The following AKAP19 variants were observed in gnomAD, a reference collection of about 807,000 sequenced individuals.
AKAP19 encodes the protein small A-kinase anchoring protein.
the AKAP19 span, among the ~76,000 whole-genome samples, chr2:189,974,467 T>G: frequency 3.9e-5 from 6 of 152,328 alleles, no homozygotes; most frequent in African/African-American, 1.4e-4. Flanking sequence ...TGATTTGGGG[T>G]GGAGAGTTCT....
At chr2:190,005,036 CATATGTCCAG>C in the AKAP19 span, among the ~76,000 whole-genome samples, 1 of 152,172 alleles carries the variant, frequency 6.6e-6, no homozygotes, top group South Asian at 2.1e-4. Context: ...TGTGTTCCTT[CATATGTCCAG>C]ATGTGTCCTG....
At chr2:190,140,177 G>A in the AKAP19 span, among the ~76,000 whole-genome samples, 2 of 152,172 alleles carry the variant, frequency 1.3e-5, no homozygotes, top group South Asian at 4.1e-4. Flanking sequence ...CATGGTCTTG[G>A]TTAGCTCTAC....
chr2:190,034,425 A>T, the AKAP19 span, among the ~76,000 whole-genome samples: 7 of 151,852 alleles, frequency 4.6e-5, no homozygotes, highest in African/African-American at 7.2e-5. Flanking sequence ...TAATAGACTT[A>T]AAAAAATCAA....
the AKAP19 span, among the ~76,000 whole-genome samples, chr2:189,892,207 T>C: frequency 6.6e-6 from 1 of 152,054 alleles, no homozygotes; most frequent in African/African-American, 2.4e-5. Flanking sequence ...GAGTTCGTTA[T>C]TACCCACCTT....
At chr2:190,156,290 T>G in the AKAP19 span, among the ~76,000 whole-genome samples, 2 of 152,266 alleles carry the variant, frequency 1.3e-5, no homozygotes, top group East Asian at 3.9e-4. Flanking sequence ...ATTAATATAT[T>G]GAGATAAGTT....
the AKAP19 span, among the ~76,000 whole-genome samples, chr2:190,185,642 G>T: frequency 3.3e-5 from 5 of 152,302 alleles, 1 homozygote; most frequent in South Asian, 1.0e-3. Flanking sequence ...ACCTGCTTGT[G>T]TATGTGTGTG....
chr2:190,196,553 A>G, the AKAP19 span, among the ~76,000 whole-genome samples: 1 of 147,594 alleles, frequency 6.8e-6, no homozygotes, highest in African/African-American at 2.5e-5. Context: ...ATTATGGGTC[A>G]GATTTTCCTG....
At chr2:189,945,549 A>G in the AKAP19 span, among the ~76,000 whole-genome samples, 1 of 152,226 alleles carries the variant, frequency 6.6e-6, no homozygotes, top group Non-Finnish European at 1.5e-5. Flanking sequence ...CCAAAGACTA[A>G]AAAACTCTTC....
the AKAP19 span, among the ~76,000 whole-genome samples, chr2:190,153,292 T>G: frequency 6.6e-6 from 1 of 152,258 alleles, no homozygotes; most frequent in African/African-American, 2.4e-5. Flanking sequence ...TGAATTTTCT[T>G]ATAATCATTT....
the AKAP19 span, among the ~76,000 whole-genome samples, chr2:189,986,421 A>AC: frequency 1.1e-4 from 17 of 152,110 alleles, no homozygotes; most frequent in South Asian, 1.7e-3. Context: ...AGAAAAACAA[A>AC]AAAAAAAAGG....
chr2:190,156,376 G>C, the AKAP19 span, among the ~76,000 whole-genome samples: 1,770 of 152,204 alleles, frequency 0.012, 31 homozygotes, highest in African/African-American at 0.04. Flanking sequence ...GATTAACCAA[G>C]ATAGGACCTA....
the AKAP19 span, among the ~76,000 whole-genome samples, chr2:189,954,847 C>T: frequency 6.6e-6 from 1 of 152,202 alleles, no homozygotes; most frequent in African/African-American, 2.4e-5. Context: ...TTTTTGCATA[C>T]TACTGATGTT....
chr2:189,932,488 A>G, the AKAP19 span, among the ~76,000 whole-genome samples: 1 of 151,964 alleles, frequency 6.6e-6, no homozygotes, highest in Non-Finnish European at 1.5e-5. Flanking sequence ...ACCACTTCTA[A>G]TATATATACC....
the AKAP19 span, among the ~76,000 whole-genome samples, chr2:189,951,810 G>T: frequency 6.6e-6 from 1 of 152,170 alleles, no homozygotes; most frequent in African/African-American, 2.4e-5. Context: ...GAATTATTTT[G>T]AGCTGAAGGC....
chr2:190,045,982 G>A, the AKAP19 span, among the ~76,000 whole-genome samples: 1 of 152,228 alleles, frequency 6.6e-6, no homozygotes, highest in African/African-American at 2.4e-5. Flanking sequence ...GCAAAGATCC[G>A]TGGGAGAAGC....
chr2:189,915,232 C>T, the AKAP19 span, among the ~76,000 whole-genome samples: 4 of 152,076 alleles, frequency 2.6e-5, no homozygotes. Context: ...TCAGACAACT[C>T]CAGCAATTTA....
the AKAP19 span, chr2:190,200,034 C>A: frequency 6.2e-7 from 1 of 1,614,104 alleles, no homozygotes; most frequent in South Asian, 1.1e-5. Context: ...ATACTGTGAT[C>A]TTGGAATATG....
the AKAP19 span, among the ~76,000 whole-genome samples, chr2:190,054,965 A>G: frequency 1.3e-5 from 2 of 152,352 alleles, no homozygotes; most frequent in Non-Finnish European, 2.9e-5. Context: ...TGATCCAGCA[A>G]TCCCATTACT....
chr2:189,983,338 TG>T, the AKAP19 span, among the ~76,000 whole-genome samples: 1 of 152,156 alleles, frequency 6.6e-6, no homozygotes, highest in Non-Finnish European at 1.5e-5. Context: ...CTCTTTGACT[TG>T]TCTTGCCTCT....
Sources: allele counts gnomAD v4.1 joint callset (sites outside exome capture counted in the v4.1 genomes callset), GRCh38; gene constraint gnomAD v4.1.1; transcripts MANE v1.5; gene names NCBI Gene and HGNC (gene_info 2026-07-23, HGNC 2026-07-21).